The following SPAG11A variants were observed in gnomAD, a reference collection of about 807,000 sequenced individuals.
SPAG11A encodes sperm-associated antigen 11A.
A neutral mutation model predicts 5.5 loss-of-function variants in SPAG11A; 2 were observed. The observed-to-expected ratio is 0.37, with a 90% confidence interval of 0.15 to 1.15. SPAG11A has a LOEUF of 1.15. SPAG11A is among the 50% of genes most tolerant of loss of function. SPAG11A has a pLI of 0.38. For synonymous variants in SPAG11A, 11 were observed against 42.7 expected (o/e 0.26, Z 2.90); for missense variants, 24 against 122.5 (o/e 0.20, Z 3.80).
At chr8:7,860,396 G>A (rs770998742) in intron 2 of SPAG11A, 11 of 1,428,980 alleles carry the variant, frequency 7.7e-6, no homozygotes, top group Non-Finnish European at 9.5e-6. Context: ...AGATCTGCGT[G>A]GGCTTTTTAG....
chr8:7,859,952 T>G (rs1818141249), intron 2 of SPAG11A, among the ~76,000 whole-genome samples: 1 of 148,396 alleles, frequency 6.7e-6, no homozygotes, highest in African/African-American at 2.5e-5. Context: ...AATCAGGGAT[T>G]AGACCCCGTT....
rs1403553477 is a variant in SPAG11A at position 7,860,617 on chromosome 8, A to T, written c.215-29A>T. ...CTATTCTCTGCACTATATGAGTTAA[A>T]TGTCAACTCTCTTCTGTTGTATCCA... On this transcript the variant is annotated intron_variant, in intron 2 of 2. Coordinates refer to ENST00000642566, the Ensembl canonical transcript of SPAG11A. 1.1e-5 allele frequency: 16 copies of T among 1,409,686 alleles called. 4 individuals are homozygous for T. The highest frequency in any genetic ancestry group is 3.7e-4 in the Middle Eastern group (2 of 5,422). 87.3% of individuals were successfully genotyped at this position (1,409,686 alleles called of 1,614,324 possible).
intron 2 of SPAG11A, among the ~76,000 whole-genome samples, chr8:7,860,074 T>A (rs1325549071): frequency 4.0e-5 from 6 of 150,190 alleles, no homozygotes; most frequent in Non-Finnish European, 5.9e-5. Context: ...GTACGTAGCA[T>A]TTGCAGATCT....
chr8:7,852,095 C>T (rs1011497175), intron 2 of SPAG11A, among the ~76,000 whole-genome samples: 1 of 138,464 alleles, frequency 7.2e-6, no homozygotes, highest in African/African-American at 2.6e-5. Context: ...TCAATTAGTC[C>T]ATGGTTTTCT....
At chr8:7,857,774 A>G (rs1190635960) in intron 2 of SPAG11A, among the ~76,000 whole-genome samples, 4 of 89,494 alleles carry the variant, frequency 4.5e-5, no homozygotes, top group Admixed American at 1.2e-4. Flanking sequence ...ATCTCTCCAG[A>G]GGTGGAAAGT....
downstream of SPAG11A, chr8:7,863,606 C>G: frequency 6.2e-7 from 1 of 1,600,546 alleles, no homozygotes; most frequent in Non-Finnish European, 8.5e-7. Flanking sequence ...CCAGGTGGAT[C>G]GGCTTCAGAG....
intron 2 of SPAG11A, among the ~76,000 whole-genome samples, chr8:7,852,456 C>T (rs1418888246): frequency 6.6e-6 from 1 of 152,146 alleles, no homozygotes; most frequent in Non-Finnish European, 1.5e-5. Context: ...CCTCAGCCTT[C>T]CTAAGTAGCT....
chr8:7,852,302 T>C (rs1264792915), intron 2 of SPAG11A, among the ~76,000 whole-genome samples: 1 of 152,254 alleles, frequency 6.6e-6, no homozygotes, highest in Non-Finnish European at 1.5e-5. Flanking sequence ...ACTGGGTTAC[T>C]ACTTTATTCT....
rs1241346082 is a variant in SPAG11A, at chr8:7,852,010, C to T, written c.214+3167C>T. 4.9e-5 allele frequency among the ~76,000 whole-genome samples: 6 copies of T among 121,314 alleles called. 1 individual carries two copies. The highest frequency in any genetic ancestry group is 2.4e-4 in the South Asian group (1 of 4,118). The allele number at this position is 121,314 out of a possible 152,430, so 79.6% of individuals were successfully genotyped here. The stretch of plus-strand genomic sequence containing the variant: ...TGTTATGCCTGGGATAGGGATTGTG[C>T]GGGGAGTGTGTCTCAGCTCTTCCCA... On this transcript the variant is annotated intron_variant, in intron 2 of 2. Coordinates refer to ENST00000642566, the Ensembl canonical transcript of SPAG11A.
downstream of SPAG11A, chr8:7,863,726 G>A: frequency 1.0e-6 from 1 of 976,638 alleles, no homozygotes; most frequent in Non-Finnish European, 1.6e-6. Context: ...GGCTCCCCAG[G>A]GATCCATGTG....
chr8:7,863,212 G>GCTTT (rs1264249027), downstream of SPAG11A, among the ~76,000 whole-genome samples: 1 of 9,394 alleles, frequency 1.1e-4, no homozygotes, highest in Non-Finnish European at 4.6e-4. Context: ...CTGCAGATGG[G>GCTTT]ATTTTTTTTT....
chr8:7,852,370 A>G (rs1407303811), intron 2 of SPAG11A, among the ~76,000 whole-genome samples: 1 of 152,124 alleles, frequency 6.6e-6, no homozygotes, highest in African/African-American at 2.4e-5. Flanking sequence ...CTGGAGTGCA[A>G]TGGTGCGATT....
intron 2 of SPAG11A, among the ~76,000 whole-genome samples, chr8:7,852,507 ATTT>A (rs1817966846): frequency 6.6e-6 from 1 of 152,142 alleles, no homozygotes; most frequent in Non-Finnish European, 1.5e-5. Flanking sequence ...CTAATTTTGT[ATTT>A]TTAGTAGAGA....
downstream of SPAG11A, chr8:7,863,706 T>G (rs1818284764): frequency 7.9e-7 from 1 of 1,263,514 alleles, no homozygotes; most frequent in Admixed American, 2.1e-5. Flanking sequence ...TCGGCTGTGC[T>G]CCGTGGACTG....
chr8:7,863,212 G>GGTT (rs1264249027), downstream of SPAG11A, among the ~76,000 whole-genome samples: 1 of 9,394 alleles, frequency 1.1e-4, no homozygotes, highest in Non-Finnish European at 4.6e-4. Context: ...CTGCAGATGG[G>GGTT]ATTTTTTTTT....
At chr8:7,863,412 CG>C, downstream of SPAG11A, 3 of 1,466,682 alleles carry the variant, frequency 2.0e-6, no homozygotes, top group Non-Finnish European at 2.8e-6. Flanking sequence ...CCATTCACGC[CG>C]GGGGTGCGGA....
chr8:7,852,561 G>A (rs540236628), intron 2 of SPAG11A, among the ~76,000 whole-genome samples: 5 of 149,658 alleles, frequency 3.3e-5, no homozygotes, highest in South Asian at 2.2e-4. Context: ...TCAAACTCCC[G>A]ACCTCAGGTG....
chr8:7,860,124 A>G (rs1293020796), intron 2 of SPAG11A, among the ~76,000 whole-genome samples: 1 of 148,880 alleles, frequency 6.7e-6, no homozygotes, highest in Non-Finnish European at 1.5e-5. Flanking sequence ...CTCTTGCCCA[A>G]TGTCCTGTTG....
chr8:7,852,617 G>A (rs1433562973), intron 2 of SPAG11A, among the ~76,000 whole-genome samples: 3 of 152,118 alleles, frequency 2.0e-5, no homozygotes, highest in Non-Finnish European at 2.9e-5. Context: ...ACAGGCGTGA[G>A]CCACCGCGCC....
Sources: gnomAD v4.1 joint callset for allele counts (sites outside exome capture counted in the v4.1 genomes callset) on GRCh38, gnomAD v4.1.1 for gene constraint, MANE v1.5 for transcripts, NCBI Gene and HGNC (gene_info 2026-07-23, HGNC 2026-07-21) for gene names.